Variants in MYB observed in about 807,000 individuals in gnomAD.
The protein encoded by MYB is transcriptional activator Myb.
A neutral mutation model predicts 92.9 loss-of-function variants in MYB; 28 were observed. The observed-to-expected ratio is 0.30, with a 90% confidence interval of 0.22 to 0.41. The LOEUF is 0.41. Among genes scored for constraint, MYB ranks in the 10% least tolerant of loss-of-function variants. The probability of loss-of-function intolerance (pLI) is 1.00; values close to 1 mark genes in which losing one functional copy is unlikely to be tolerated. For synonymous variants in MYB, 295 were observed against 329.1 expected, an observed-to-expected ratio of 0.90 and a Z score of 1.12; for missense variants, 679 against 929.3, an observed-to-expected ratio of 0.73 and a Z score of 3.50.
chr6:135,200,812 C>T (rs1777966561), intron 13 of MYB: 1 of 276,788 alleles, frequency 3.6e-6, no homozygotes, highest in African/African-American at 2.3e-5. Context: ...GGCGCGGTGG[C>T]TCATACCTGT....
At chr6:135,188,504 T>C (rs1301518097) in intron 3 of MYB, among the ~76,000 whole-genome samples, 3 of 148,906 alleles carry the variant, frequency 2.0e-5, no homozygotes, top group Non-Finnish European at 3.0e-5. Flanking sequence ...TTTTTTTTTT[T>C]TTGTTTTTTG....
chr6:135,186,994 T>G (rs1776003989), intron 2 of MYB, among the ~76,000 whole-genome samples: 1 of 152,220 alleles, frequency 6.6e-6, no homozygotes, highest in Non-Finnish European at 1.5e-5. Flanking sequence ...TTTTACCTAT[T>G]AAGATTATCC....
chr6:135,199,692 A>C (rs969051758), intron 11 of MYB: 2 of 373,768 alleles, frequency 5.4e-6, no homozygotes, highest in Admixed American at 1.1e-4. Context: ...TCGAAGTACA[A>C]AAAGTAAATT....
At chr6:135,215,760 T>A (rs1178931994) in intron 15 of MYB, among the ~76,000 whole-genome samples, 1 of 151,906 alleles carries the variant, frequency 6.6e-6, no homozygotes, top group African/African-American at 2.4e-5. Flanking sequence ...CACCTCTCTC[T>A]CCCCTAATCT....
At chr6:135,191,063 G>T (rs972624163) in intron 5 of MYB, among the ~76,000 whole-genome samples, 34 of 152,174 alleles carry the variant, frequency 2.2e-4, no homozygotes, top group Non-Finnish European at 4.0e-4. Flanking sequence ...AAAGTGCTGG[G>T]ATTATAGGCA....
intron 15 of MYB, among the ~76,000 whole-genome samples, chr6:135,205,048 C>G: frequency 6.6e-6 from 1 of 152,000 alleles, no homozygotes; most frequent in East Asian, 1.9e-4. Flanking sequence ...GCCTGGGTGA[C>G]AGAATGAGAC....
chr6:135,183,706 C>G (rs1474805318), intron 1 of MYB, among the ~76,000 whole-genome samples: 1 of 152,240 alleles, frequency 6.6e-6, no homozygotes, highest in African/African-American at 2.4e-5. Flanking sequence ...TGAGCAGCCC[C>G]GGACTCGCCC....
rs1778040699 is a variant in MYB, at chr6:135,201,213, T to C, written c.1951-426T>C. On this transcript the variant is annotated intron_variant, in intron 13 of 15. Transcript: ENST00000341911. ...TTATTTTCATGTAAAGATAAGTATT[T>C]TTTTTTATAGCTAAAAATCTGATTT... 2.0e-5 allele frequency among the ~76,000 whole-genome samples: 3 copies of C among 152,194 alleles called. No individual in the cohort carries two copies. In the South Asian group the frequency reaches 6.2e-4, roughly 32 times the overall value.
chr6:135,186,356 C>T (rs577483329), intron 2 of MYB, among the ~76,000 whole-genome samples: 15 of 152,166 alleles, frequency 9.9e-5, no homozygotes, highest in South Asian at 2.1e-4. Context: ...CTGGCTTCGC[C>T]GGACAGGATT....
At chr6:135,187,739 C>A in intron 2 of MYB, 95 bp from the exon 3 acceptor site, 1 of 736,444 alleles carries the variant, frequency 1.4e-6, no homozygotes. Flanking sequence ...TTTAGAGAGA[C>A]TTTTTATTCT....
Position 135,187,827 on chromosome 6 carries a change from G to A in MYB, c.142-7G>A, listed in dbSNP as rs375153569. 6.3e-7 allele frequency: 1 copy of A among 1,596,662 alleles called. No individual in the cohort carries two copies. Among genetic ancestry groups the A allele is most frequent in the Non-Finnish European group, 8.6e-7 (1 of 1,167,834 alleles). On this transcript the variant is annotated splice_region_variant and splice_polypyrimidine_tract_variant and intron_variant, in intron 2 of 15. Coordinates refer to ENST00000341911, the MANE Select transcript of MYB (RefSeq NM_001130173.2). ...TGATATCCTAGGATTACCTTTAAAT[G>A]TCTTAGGATGAAAAACTGAAGAAGC...
intron 9 of MYB, among the ~76,000 whole-genome samples, chr6:135,196,422 A>G (rs988963483): frequency 5.9e-5 from 9 of 152,116 alleles, no homozygotes; most frequent in African/African-American, 9.7e-5. Context: ...TGAACAGCAC[A>G]TTAATGATTT....
At chr6:135,215,977 C>T (rs971507713) in intron 15 of MYB, among the ~76,000 whole-genome samples, 3 of 152,170 alleles carry the variant, frequency 2.0e-5, no homozygotes, top group Admixed American at 2.0e-4. Flanking sequence ...GGAAAATAAT[C>T]CCTCCAGATA....
chr6:135,194,212 G>A, intron 7 of MYB, 144 bp from the exon 8 acceptor site: 3 of 645,308 alleles, frequency 4.6e-6, no homozygotes, highest in Non-Finnish European at 5.3e-6. Flanking sequence ...AAAGATTTCT[G>A]CAGGAGCCAA....
chr6:135,196,601 C>T (rs1019354404), intron 9 of MYB: 16 of 552,304 alleles, frequency 2.9e-5, no homozygotes, highest in South Asian at 1.1e-4. Flanking sequence ...ACCTCCTCAG[C>T]GAACACTTGG....
chr6:135,191,087 C>T (rs1451166324), intron 5 of MYB, among the ~76,000 whole-genome samples: 3 of 152,236 alleles, frequency 2.0e-5, no homozygotes, highest in Non-Finnish European at 4.4e-5. Context: ...GCCACCATAC[C>T]TGGCCACCAG....
chr6:135,216,770 G>A (rs536765996), intron 15 of MYB, among the ~76,000 whole-genome samples: 2 of 152,048 alleles, frequency 1.3e-5, no homozygotes, highest in East Asian at 1.9e-4. Context: ...ATCATCTTAC[G>A]TCCTTTTGGA....
intron 15 of MYB, among the ~76,000 whole-genome samples, chr6:135,211,636 T>G (rs927373203): frequency 1.3e-5 from 2 of 152,176 alleles, no homozygotes; most frequent in African/African-American, 4.8e-5. Flanking sequence ...CACCCTAGGC[T>G]ATATGATATA....
chr6:135,186,467 A>C (rs1033298666), intron 2 of MYB, among the ~76,000 whole-genome samples: 15 of 152,220 alleles, frequency 9.9e-5, no homozygotes, highest in Non-Finnish European at 4.4e-5. Flanking sequence ...TGTTGAGGGC[A>C]GGGCTCTTGT....
Sources: gnomAD v4.1 joint callset for allele counts (sites outside exome capture counted in the v4.1 genomes callset) on GRCh38, gnomAD v4.1.1 for gene constraint, MANE v1.5 for transcripts, NCBI Gene and HGNC (gene_info 2026-07-23, HGNC 2026-07-21) for gene names.